The following SYCP2L variants were observed in gnomAD, a reference collection of about 807,000 sequenced individuals.
SYCP2L encodes the protein synaptonemal complex protein 2-like.
In SYCP2L, 98 loss-of-function variants were observed where a neutral mutation model predicts 125.8. That is an observed-to-expected ratio of 0.78 (90% CI 0.66 to 0.92). SYCP2L has a LOEUF of 0.92. Ranked by LOEUF, SYCP2L falls within the 40% of genes least tolerant of loss-of-function variation. The pLI is 0.00. For synonymous variants in SYCP2L, 317 were observed against 325.4 expected (o/e 0.97, Z 0.28); for missense variants, 842 against 936.4 (o/e 0.90, Z 1.32).
rs184884035 is a variant in SYCP2L at position 10,917,111 on chromosome 6, A to G, written c.1072+4184A>G. 2.2e-4 allele frequency among the ~76,000 whole-genome samples: 33 copies of G among 152,318 alleles called. 1 individual carries two copies. In the East Asian group the frequency reaches 5.8e-3, roughly 27 times the overall value. On this transcript the variant is annotated intron_variant, in intron 14 of 29. Coordinates refer to ENST00000283141, the MANE Select transcript of SYCP2L (RefSeq NM_001040274.3). Reference sequence around the variant, plus strand: ...TCCAGGCACCTGTTGAATAGAACGTATATTCTGCGGTTGTTGGATGGAATG... The same window carrying G: ...TCCAGGCACCTGTTGAATAGAACGTGTATTCTGCGGTTGTTGGATGGAATG...
chr6:10,906,037 C>A lies in SYCP2L; in HGVS notation c.659C>A (p.Thr220Lys). 6.3e-7 allele frequency: 1 copy of A among 1,599,526 alleles called. No individual in the cohort carries two copies. The highest frequency in any genetic ancestry group is 8.6e-7 in the Non-Finnish European group (1 of 1,168,602). Residue 220 changes from threonine (T) to lysine (K), a missense_variant, in exon 9 of 30, where the codon ACA becomes AAA. By Grantham distance (78) the Thr-to-Lys change is moderately conservative (BLOSUM62 -1). Transcript: ENST00000283141. ...TGTTTCAGGAAAGACCTTGCAAGGA[C>A]ACTCTTGACTGTGGGTGGTAAGAAA... The part of the protein sequence containing the change: ...MCHLMKDLAR[T>K]LLTVGDYDQQ...
chr6:10,955,336 C>T (rs547104048), intron 24 of SYCP2L, 119 bp downstream of exon 24: 2 of 604,694 alleles, frequency 3.3e-6, no homozygotes, highest in South Asian at 5.5e-5. Context: ...GCTACAAAAT[C>T]CTAAAAACTA....
intron 14 of SYCP2L, among the ~76,000 whole-genome samples, chr6:10,920,042 G>T (rs538057673): frequency 6.6e-6 from 1 of 152,230 alleles, no homozygotes; most frequent in Non-Finnish European, 1.5e-5. Flanking sequence ...GGAAGTGTGG[G>T]GTCTTCATGA....
rs1626890 is a variant in SYCP2L, at chr6:10,954,111, T to G, written c.1955-1005T>G. ...TAGTAACGTCCACATATTCATGGAA[T>G]GAATTAGTGAAATTGAATTCCAGAA... On this transcript the variant is annotated intron_variant, in intron 23 of 29. Transcript: ENST00000283141. This position sits in a 1 kb window ranked among gnomAD's most constrained non-coding sequence, Gnocchi z 4.8. 0.15 allele frequency among the ~76,000 whole-genome samples: 22,827 copies of G among 152,206 alleles called. 2,215 individuals carry two copies. Among genetic ancestry groups the G allele is most frequent in the Middle Eastern group, 0.31 (90 of 294 alleles).
At chr6:10,948,839 C>T (rs6928337) in intron 23 of SYCP2L, among the ~76,000 whole-genome samples, 2,549 of 152,102 alleles carry the variant, frequency 0.017, 69 homozygotes, top group African/African-American at 0.059. Context: ...TGGGGGAAAA[C>T]GTTATTATTT....
rs1044114816 is a variant in SYCP2L at position 10,932,401 on chromosome 6, C to T, written c.1683+912C>T. Among the ~76,000 whole-genome samples, 5 of 152,162 alleles carry T rather than the reference C, an allele frequency of 3.3e-5. No individual in the cohort carries two copies. The East Asian group carries it at 9.6e-4, about 29-fold the overall frequency. ...TTTTGTGTCACGTGAGCTATGTATA[C>T]AGTACAGAGCATATCAGCAAGTTCG... On this transcript the variant is annotated intron_variant, in intron 20 of 29. Coordinates refer to ENST00000283141, the MANE Select transcript of SYCP2L (RefSeq NM_001040274.3).
At chr6:10,940,149 G>T (rs75283648) in intron 21 of SYCP2L, among the ~76,000 whole-genome samples, 2,816 of 152,286 alleles carry the variant, frequency 0.018, 89 homozygotes, top group African/African-American at 0.065. Context: ...TCTCACACCT[G>T]TCCAGATAGC....
At position 10,961,491 on chromosome 6, in the gene SYCP2L, C is replaced by A. The variant is rs1329172054; in HGVS notation, c.2356-9C>A. On this transcript the variant is annotated splice_polypyrimidine_tract_variant and intron_variant, in intron 27 of 29. Transcript: ENST00000283141. ...TAGCTACTTAAACAAAACTTTTGTT[C>A]AATCTTAGGAATTCTGGGGGAAACA... 6.2e-7 allele frequency: 1 copy of A among 1,613,992 alleles called. No individual in the cohort carries two copies. Among genetic ancestry groups the A allele is most frequent in the South Asian group, 1.1e-5 (1 of 91,044 alleles).
chr6:10,889,062 A>G (rs886272767), intron 1 of SYCP2L, among the ~76,000 whole-genome samples: 2 of 152,042 alleles, frequency 1.3e-5, no homozygotes. Context: ...GGGTTTCACC[A>G]TATTGGACAG....
In SYCP2L at chr6:10,895,631, G is replaced by GT. The variant is rs1554104425; in HGVS notation, c.336+1427_336+1428insT. On this transcript the variant is annotated intron_variant, in intron 4 of 29. Transcript: ENST00000283141. ...GCAAAAAGGAGAAAGGAGAACAAAA[G>GT]GGGGGGGTACTATGAATTAGAGAAT... Among the ~76,000 whole-genome samples the GT allele has an allele frequency of 1.1e-4, 8 of 70,490 alleles. No individual in the cohort carries two copies. The East Asian group carries it at 3.0e-3, about 26-fold the overall frequency. 46.2% of individuals were successfully genotyped at this position (70,490 alleles called of 152,430 possible). A position where few individuals can be genotyped will look rare whatever the true frequency, so the allele number is the denominator to read the frequency against.
chr6:10,927,212 A>T (rs1166724136), intron 16 of SYCP2L, 28 bp from the exon 17 acceptor site: 1 of 1,613,240 alleles, frequency 6.2e-7, no homozygotes, highest in Admixed American at 1.7e-5. Context: ...CACGGTTATT[A>T]TATTAGTCTT....
chr6:10,955,365 G>C (rs1469989206), intron 24 of SYCP2L, 148 bp downstream of exon 24: 3 of 548,054 alleles, frequency 5.5e-6, no homozygotes, highest in Non-Finnish European at 9.8e-6. Context: ...TGCTTTTGGA[G>C]ACAAATAAGT....
intron 8 of SYCP2L, among the ~76,000 whole-genome samples, chr6:10,904,471 T>C (rs575454524): frequency 2.6e-5 from 4 of 152,334 alleles, no homozygotes; most frequent in Admixed American, 1.3e-4. Context: ...CCATTTAGTC[T>C]TTGCAGGATA....
intron 23 of SYCP2L, among the ~76,000 whole-genome samples, chr6:10,951,823 C>T (rs1781415464): frequency 6.6e-6 from 1 of 152,154 alleles, no homozygotes; most frequent in Non-Finnish European, 1.5e-5. Flanking sequence ...TGGCTGTTAA[C>T]CATAGGTCTG....
At chr6:10,902,834 T>A (rs1474354002) in intron 7 of SYCP2L, 41 bp from the exon 8 acceptor site, 1 of 1,612,240 alleles carries the variant, frequency 6.2e-7, no homozygotes, top group African/African-American at 1.3e-5. Flanking sequence ...TAGGTCTCTG[T>A]TTTCTTTCTT....
chr6:10,930,356 A>T lies in SYCP2L; in HGVS notation c.1489-14A>T. ...ACCCCTCTAAAAATTCTCATTTATG[A>T]TCTGTGCTTGTAGAAGTCTCATTAC... On this transcript the variant is annotated splice_polypyrimidine_tract_variant and intron_variant, in intron 18 of 29. Coordinates refer to ENST00000283141, the MANE Select transcript of SYCP2L (RefSeq NM_001040274.3). 6.2e-7 allele frequency: 1 copy of T among 1,604,504 alleles called. No individual in the cohort carries two copies. Among genetic ancestry groups the T allele is most frequent in the South Asian group, 1.1e-5 (1 of 89,012 alleles).
In SYCP2L at chr6:10,935,176, C is replaced by T; in HGVS notation, c.1802C>T (p.Ala601Val). The change falls in exon 21 of 30, where the codon GCC becomes GTC. Residue 601 changes from alanine (A) to valine (V), a missense_variant. Ala to Val is a moderately conservative substitution (Grantham distance 64, BLOSUM62 0). Coordinates refer to ENST00000283141, the MANE Select transcript of SYCP2L (RefSeq NM_001040274.3). Reference sequence around the variant, plus strand: ...GCTTTTTTGACTGCTGAAGATTCTGCCCAGAAAACAGGTACATGATTTTCT... The same window carrying T: ...GCTTTTTTGACTGCTGAAGATTCTGTCCAGAAAACAGGTACATGATTTTCT... ...SFAFLTAEDS[A>V]QKTELQDPHS... 1.2e-6 allele frequency: 2 copies of T among 1,611,644 alleles called. No homozygotes were observed. Among genetic ancestry groups the T allele is most frequent in the Non-Finnish European group, 1.7e-6 (2 of 1,179,298 alleles).
intron 15 of SYCP2L, among the ~76,000 whole-genome samples, chr6:10,924,884 G>A (rs1268656462): frequency 6.6e-6 from 1 of 152,164 alleles, no homozygotes; most frequent in Non-Finnish European, 1.5e-5. Flanking sequence ...TCTACTAACT[G>A]TGAACAGCTG....
At chr6:10,965,765 A>C (rs993457040) in intron 29 of SYCP2L, among the ~76,000 whole-genome samples, 1 of 152,226 alleles carries the variant, frequency 6.6e-6, no homozygotes, top group Non-Finnish European at 1.5e-5. Flanking sequence ...TTGCATTACC[A>C]TGTCAAAATG....
Sources: allele counts gnomAD v4.1 joint callset (sites outside exome capture counted in the v4.1 genomes callset), GRCh38; gene constraint gnomAD v4.1.1; non-coding constraint Gnocchi (gnomAD v3.1); transcripts MANE v1.5; gene names NCBI Gene and HGNC (gene_info 2026-07-23, HGNC 2026-07-21).